Variants in KIF27 observed in about 807,000 individuals in gnomAD.
KIF27 encodes the protein kinesin-like protein KIF27.
KIF27 carries 84 observed loss-of-function variants against 141.8 expected under a neutral mutation model. The ratio of observed to expected loss-of-function variants is 0.59; its 90% confidence interval spans 0.50 to 0.71. The LOEUF (loss-of-function observed/expected upper bound fraction) is 0.71, where lower values mean the gene tolerates loss of function less well. Among genes scored for constraint, KIF27 ranks in the 30% least tolerant of loss-of-function variants. The pLI is 0.00. For synonymous variants in KIF27, 471 were observed against 569.5 expected, an observed-to-expected ratio of 0.83 and a Z score of 2.46; for missense variants, 1,306 against 1,628.4, an observed-to-expected ratio of 0.80 and a Z score of 3.41.
intron 9 of KIF27, among the ~76,000 whole-genome samples, chr9:83,884,763 A>T (rs563172622): frequency 6.6e-5 from 10 of 152,316 alleles, no homozygotes; most frequent in Non-Finnish European, 1.2e-4. Flanking sequence ...GTTTATTTAA[A>T]TCAGGATCTA....
rs1420079308 is a variant in KIF27, at chr9:83,848,316, C to CATATATGATATATATG, written c.3556+1782_3556+1783insCATATATATCATATAT. ...ATCAGATATGATATATATGATATAT[C>CATATATGATATATATG]ATATATCTATATATCTATATATATC... is the stretch of plus-strand genomic sequence containing the variant. On this transcript the variant is annotated intron_variant, in intron 16 of 17. Transcript: ENST00000297814. Among the ~76,000 whole-genome samples the CATATATGATATATATG allele has an allele frequency of 2.3e-3, 244 of 103,956 alleles. 34 individuals are homozygous for CATATATGATATATATG. The highest frequency in any genetic ancestry group is 9.3e-3 in the African/African-American group (219 of 23,542). The allele number at this position is 103,956 out of a possible 152,430, so 68.2% of individuals were successfully genotyped here. A position where few individuals can be genotyped will look rare whatever the true frequency, so the allele number is the denominator to read the frequency against.
chr9:83,834,791 G>A lies in KIF27; in HGVS notation c.*2210C>T, dbSNP rs1945622588. Among the ~76,000 whole-genome samples, 1 of 149,936 alleles carries A rather than the reference G, an allele frequency of 6.7e-6. No homozygotes were observed. On this transcript the variant is annotated 3_prime_UTR_variant, in exon 18 of 18. Coordinates refer to ENST00000297814, the MANE Select transcript of KIF27 (RefSeq NM_017576.4). ...GGCCATTATATATATCTATATCTAT[G>A]TATATATACAAGTGTATCTATATAT...
At chr9:83,841,861 A>T (rs1415834787) in intron 17 of KIF27, among the ~76,000 whole-genome samples, 1 of 152,218 alleles carries the variant, frequency 6.6e-6, no homozygotes, top group Non-Finnish European at 1.5e-5. Context: ...GATTTATCTT[A>T]AAAATACAAA....
intron 14 of KIF27, among the ~76,000 whole-genome samples, chr9:83,855,503 C>T (rs1203128581): frequency 1.3e-5 from 2 of 152,094 alleles, no homozygotes; most frequent in Non-Finnish European, 2.9e-5. Context: ...CTAAAATGTA[C>T]TTAGGTGAAT....
At position 83,883,822 on chromosome 9, in the gene KIF27, C is replaced by T. The variant is rs367975807; in HGVS notation, c.2436G>A (p.Leu812=). Residue 812 remains leucine, a synonymous_variant, in exon 10 of 18, where the codon CTG becomes CTA. Coordinates refer to ENST00000297814, the MANE Select transcript of KIF27 (RefSeq NM_017576.4). ...EFRKKMDAAK[L]RVQVLQKKQQ... ...ACATTTTTTAAATTACCTGAACTCT[C>T]AGCTTTGCAGCATCCATCTTTTTAC... is the stretch of plus-strand genomic sequence containing the variant. The T allele has an allele frequency of 1.2e-6, 2 of 1,608,254 alleles. No homozygotes were observed. The highest frequency in any genetic ancestry group is 1.3e-5 in the African/African-American group (1 of 74,786).
intron 17 of KIF27, among the ~76,000 whole-genome samples, chr9:83,841,183 G>A (rs541335877): frequency 3.9e-5 from 6 of 151,938 alleles, no homozygotes; most frequent in Non-Finnish European, 8.8e-5. Flanking sequence ...CGATTCTCCT[G>A]CCTCAGCCTC....
intron 16 of KIF27, among the ~76,000 whole-genome samples, chr9:83,847,067 C>G (rs542230098): frequency 6.6e-6 from 1 of 152,262 alleles, no homozygotes; most frequent in South Asian, 2.1e-4. Flanking sequence ...CAGCCCAATC[C>G]AGTCACAACT....
At chr9:83,856,078 G>A (rs1949165670) in intron 14 of KIF27, among the ~76,000 whole-genome samples, 1 of 152,056 alleles carries the variant, frequency 6.6e-6, no homozygotes, top group South Asian at 2.1e-4. Flanking sequence ...CAAACCACAG[G>A]TTATCAAGAG....
chr9:83,877,285 T>G (rs1287828155), intron 11 of KIF27, among the ~76,000 whole-genome samples: 1 of 152,180 alleles, frequency 6.6e-6, no homozygotes, highest in Non-Finnish European at 1.5e-5. Flanking sequence ...GTCTCTAGAC[T>G]TATTTATTCT....
intron 14 of KIF27, chr9:83,858,306 C>T (rs1949492348): frequency 1.3e-5 from 2 of 152,188 alleles, no homozygotes; most frequent in African/African-American, 2.4e-5. Context: ...TATTTCTTAA[C>T]TAGCCCCTAT....
At chr9:83,869,713 C>A (rs574254579) in intron 12 of KIF27, among the ~76,000 whole-genome samples, 1 of 151,826 alleles carries the variant, frequency 6.6e-6, no homozygotes, top group Non-Finnish European at 1.5e-5. Flanking sequence ...GGTGACAGAG[C>A]GAGACTCTGT....
At chr9:83,868,983 G>A (rs186249088) in intron 12 of KIF27, among the ~76,000 whole-genome samples, 2 of 151,900 alleles carry the variant, frequency 1.3e-5, no homozygotes, top group Non-Finnish European at 2.9e-5. Context: ...TCCGGTAGGA[G>A]ATCCTAGGAA....
intron 3 of KIF27, 67 bp downstream of exon 3, chr9:83,908,385 A>C: frequency 1.2e-6 from 1 of 836,022 alleles, no homozygotes; most frequent in Non-Finnish European, 1.8e-6. Context: ...ATATCCAGAA[A>C]CTTAATTAAA....
rs1414676859 is a variant in KIF27, at chr9:83,888,480, T to C, written c.2083+9A>G. On this transcript the variant is annotated intron_variant, in intron 8 of 17. Coordinates refer to ENST00000297814, the MANE Select transcript of KIF27 (RefSeq NM_017576.4). ...ATTAGGTCTACATTATTTAAGAAGA[T>C]CTATGTACCTTCATTCTCCAAATCT... 2.2e-6 allele frequency: 3 copies of C among 1,368,462 alleles called. No individual in the cohort carries two copies. The highest frequency in any genetic ancestry group is 3.1e-6 in the Non-Finnish European group (3 of 973,600). 84.8% of individuals were successfully genotyped at this position (1,368,462 alleles called of 1,614,324 possible).
At position 83,834,128 on chromosome 9, in the gene KIF27, A is replaced by G. The variant is rs1246249412; in HGVS notation, c.*2873T>C. 6.6e-6 allele frequency among the ~76,000 whole-genome samples: 1 copy of G among 152,194 alleles called. No homozygotes were observed. The highest frequency in any genetic ancestry group is 6.5e-5 in the Admixed American group (1 of 15,276). On this transcript the variant is annotated 3_prime_UTR_variant, in exon 18 of 18. Coordinates refer to ENST00000297814, the MANE Select transcript of KIF27 (RefSeq NM_017576.4). The stretch of plus-strand genomic sequence containing the variant: ...TCCTTTCAAATGCTTTATTACAGTT[A>G]AGAGGAAAAAAGAACATAATGAACG...
chr9:83,844,259 C>A (rs551564351), intron 16 of KIF27, among the ~76,000 whole-genome samples: 10 of 151,656 alleles, frequency 6.6e-5, no homozygotes, highest in Admixed American at 1.3e-4. Context: ...TACTGTGGGA[C>A]CTTGTGATTG....
chr9:83,888,873 C>G (rs1952388244), intron 7 of KIF27, among the ~76,000 whole-genome samples: 1 of 147,174 alleles, frequency 6.8e-6, no homozygotes, highest in South Asian at 2.2e-4. Context: ...TATAAAAGCT[C>G]TAAAAGCAAA....
intron 3 of KIF27, among the ~76,000 whole-genome samples, chr9:83,904,736 A>G (rs1426292680): frequency 1.3e-5 from 2 of 152,078 alleles, no homozygotes; most frequent in Admixed American, 6.6e-5. Flanking sequence ...GATTAGAAGA[A>G]TTAATTAGTA....
rs952670076 is a variant in KIF27 at position 83,921,382 on chromosome 9, A to G, written c.-99T>C. On this transcript the variant is annotated 5_prime_UTR_variant, in exon 1 of 18. Transcript: ENST00000297814. ...CGCCGAGCACTGACCGGCTCGGGAC[A>G]GCCCAGGCCCCTGTCGGCGAGCGCT... 2.0e-5 allele frequency: 3 copies of G among 149,286 alleles called. No individual in the cohort carries two copies. Among genetic ancestry groups the G allele is most frequent in the Non-Finnish European group, 4.5e-5 (3 of 67,384 alleles). The allele number at this position is 149,286 out of a possible 1,614,324, so 9.2% of individuals were successfully genotyped here.
Sources: gnomAD v4.1 joint callset for allele counts (sites outside exome capture counted in the v4.1 genomes callset) on GRCh38, gnomAD v4.1.1 for gene constraint, MANE v1.5 for transcripts, NCBI Gene and HGNC (gene_info 2026-07-23, HGNC 2026-07-21) for gene names.